Variants in PRIM2 observed in about 807,000 individuals in gnomAD.
PRIM2 encodes DNA primase subunit 2, also known as DNA primase large subunit.
A neutral mutation model predicts 67.3 loss-of-function variants in PRIM2; 39 were observed. The observed-to-expected ratio is 0.58, with a 90% CI of 0.45 to 0.76. The LOEUF (loss-of-function observed/expected upper bound fraction) is 0.76, where lower values mean the gene tolerates loss of function less well. PRIM2 is among the 30% of genes least tolerant of loss of function. The pLI, the probability that PRIM2 is intolerant of heterozygous loss-of-function variation, is 0.00. For synonymous variants in PRIM2, 143 were observed against 198.7 expected (o/e 0.72, Z 2.36); for missense variants, 398 against 598.7 (o/e 0.66, Z 3.50).
the PRIM2 span, among the ~76,000 whole-genome samples, chr6:57,236,470 G>T: frequency 6.6e-6 from 1 of 151,870 alleles, no homozygotes; most frequent in African/African-American, 2.4e-5. Flanking sequence ...CAACGTGCAG[G>T]TTTGTTACAT....
chr6:57,629,188 G>A (rs1412654936), intron 12 of PRIM2, among the ~76,000 whole-genome samples: 1 of 152,158 alleles, frequency 6.6e-6, no homozygotes, highest in African/African-American at 2.4e-5. Flanking sequence ...GTCTCAGGTT[G>A]CAGTCCATAT....
chr6:57,645,299 C>G (rs1188886764), intron 13 of PRIM2, among the ~76,000 whole-genome samples: 1 of 145,152 alleles, frequency 6.9e-6, no homozygotes, highest in Non-Finnish European at 1.5e-5. Flanking sequence ...CTAACCTGTG[C>G]CTCACTAACA....
intron 8 of PRIM2, among the ~76,000 whole-genome samples, chr6:57,518,365 AC>A (rs1774531922): frequency 6.6e-6 from 1 of 152,072 alleles, no homozygotes. Context: ...ATATTTTCTC[AC>A]TATGTTATGT....
intron 10 of PRIM2, among the ~76,000 whole-genome samples, chr6:57,576,435 G>A (rs1775965940): frequency 6.6e-6 from 1 of 152,162 alleles, no homozygotes; most frequent in South Asian, 2.1e-4. Context: ...GAAGTAAACA[G>A]ATAACCTGAA....
intron 7 of PRIM2, among the ~76,000 whole-genome samples, chr6:57,386,136 C>T (rs4526198): frequency 1.3e-5 from 2 of 151,698 alleles, no homozygotes; most frequent in Non-Finnish European, 2.9e-5. Flanking sequence ...CTGTAACCCT[C>T]GTCCTTTGGG....
At chr6:57,380,045 T>C in intron 6 of PRIM2, 49 bp downstream of exon 6, 4 of 1,445,132 alleles carry the variant, frequency 2.8e-6, no homozygotes, top group Non-Finnish European at 3.8e-6. Context: ...ATATGTCGCA[T>C]TGAGCTTTAT....
intron 7 of PRIM2, among the ~76,000 whole-genome samples, chr6:57,491,192 A>G (rs1773881088): frequency 2.0e-5 from 3 of 152,232 alleles, no homozygotes; most frequent in African/African-American, 7.2e-5. Flanking sequence ...AAAATATTTT[A>G]GAATGATAGC....
the PRIM2 span, among the ~76,000 whole-genome samples, chr6:57,242,031 T>A: frequency 6.6e-6 from 1 of 152,146 alleles, no homozygotes; most frequent in South Asian, 2.1e-4. Context: ...TACATTAAAA[T>A]TTTCTGTGTC....
the PRIM2 span, among the ~76,000 whole-genome samples, chr6:57,273,353 T>C: frequency 2.0e-5 from 3 of 152,236 alleles, no homozygotes; most frequent in African/African-American, 7.2e-5. Flanking sequence ...TCTAAACTTC[T>C]CTTCTCACTT....
chr6:57,444,016 T>A (rs1053267474), intron 7 of PRIM2, among the ~76,000 whole-genome samples: 1 of 152,216 alleles, frequency 6.6e-6, no homozygotes, highest in Non-Finnish European at 1.5e-5. Flanking sequence ...ATTTGTTGAA[T>A]AGACCGTCCT....
At chr6:57,580,558 A>T (rs1350294382) in intron 10 of PRIM2, among the ~76,000 whole-genome samples, 1 of 152,226 alleles carries the variant, frequency 6.6e-6, no homozygotes, top group Admixed American at 6.5e-5. Context: ...ATAATCTAAT[A>T]AACTGGGGAG....
In PRIM2 at chr6:57,476,773, G is replaced by A. The variant is rs1345109306; in HGVS notation, c.694-30614G>A. Among the ~76,000 whole-genome samples the A allele has an allele frequency of 1.2e-3, 190 of 152,076 alleles. 5 individuals are homozygous for A. The East Asian group carries it at 0.016, about 13-fold the overall frequency. ...ATTTATTTATTTATTTTTGAGATGGGGTTCACTCTTGTTGCCCAGGCTGGA... is the reference window on the plus strand; with the variant it reads ...ATTTATTTATTTATTTTTGAGATGGAGTTCACTCTTGTTGCCCAGGCTGGA... On this transcript the variant is annotated intron_variant, in intron 7 of 13. Transcript: ENST00000615550.
intron 10 of PRIM2, among the ~76,000 whole-genome samples, chr6:57,577,973 G>A (rs1157694040): frequency 6.6e-6 from 1 of 152,128 alleles, no homozygotes; most frequent in Non-Finnish European, 1.5e-5. Context: ...ACTCCACGTT[G>A]CATTTAGTTC....
In PRIM2 at chr6:57,326,318, T is replaced by G. The variant is rs1284548231; in HGVS notation, c.459+273T>G. 28 of 263,864 alleles carry G rather than the reference T, an allele frequency of 1.1e-4. No individual in the cohort carries two copies. In the East Asian group the frequency reaches 2.0e-3, roughly 19 times the overall value. 16.3% of individuals were successfully genotyped at this position (263,864 alleles called of 1,614,324 possible). ...GGTTTAGTTTATAAAGGTTCATCTT[T>G]AACCAAAATTTTGTCGGCCAAAATA... On this transcript the variant is annotated intron_variant, in intron 5 of 13. Coordinates refer to ENST00000615550, the MANE Select transcript of PRIM2 (RefSeq NM_000947.5).
At chr6:57,292,107 G>C in the PRIM2 span, among the ~76,000 whole-genome samples, 1 of 152,008 alleles carries the variant, frequency 6.6e-6, no homozygotes, top group Non-Finnish European at 1.5e-5. Flanking sequence ...CCATCGTCTC[G>C]GCCCCAAATC....
intron 10 of PRIM2, among the ~76,000 whole-genome samples, 152 bp downstream of exon 10, chr6:57,537,777 G>C (rs1775030582): frequency 6.6e-6 from 1 of 151,942 alleles, no homozygotes. Context: ...TAGATAAAAA[G>C]AAACTTGCAT....
intron 8 of PRIM2, among the ~76,000 whole-genome samples, chr6:57,531,556 G>T (rs1448679494): frequency 6.6e-6 from 1 of 152,172 alleles, no homozygotes. Flanking sequence ...TGTGTTGTGT[G>T]AAGGAGGTCA....
chr6:57,424,079 C>A (rs555485656), intron 7 of PRIM2, among the ~76,000 whole-genome samples: 1 of 151,990 alleles, frequency 6.6e-6, no homozygotes, highest in African/African-American at 2.4e-5. Context: ...GTTTAGCCAG[C>A]GTGGATTGTG....
intron 7 of PRIM2, among the ~76,000 whole-genome samples, chr6:57,454,788 A>T (rs1772700122): frequency 6.6e-6 from 1 of 151,830 alleles, no homozygotes; most frequent in Non-Finnish European, 1.5e-5. Flanking sequence ...TATTTCCTTC[A>T]GTTCTGTTCT....
Sources: gnomAD v4.1 joint callset for allele counts (sites outside exome capture counted in the v4.1 genomes callset) on GRCh38, gnomAD v4.1.1 for gene constraint, MANE v1.5 for transcripts, NCBI Gene and HGNC (gene_info 2026-07-23, HGNC 2026-07-21) for gene names.